Variants in TXNDC16 observed in about 807,000 individuals in gnomAD.
TXNDC16 encodes the protein thioredoxin domain containing 16, also known as thioredoxin domain-containing protein 16.
In TXNDC16, 74 loss-of-function variants were observed where a neutral mutation model predicts 85.6. The observed-to-expected ratio is 0.86, with a 90% CI of 0.72 to 1.05. TXNDC16 has a LOEUF of 1.05. TXNDC16 is among the 50% of genes least tolerant of loss of function. The pLI, the probability that TXNDC16 is intolerant of heterozygous loss-of-function variation, is 0.00. For missense variants in TXNDC16, 959 were observed against 947.0 expected (o/e 1.01, Z -0.17); for synonymous variants, 335 against 326.5 (o/e 1.03, Z -0.28).
intron 18 of TXNDC16, among the ~76,000 whole-genome samples, chr14:52,448,776 T>C (rs981380231): frequency 2.0e-5 from 3 of 151,884 alleles, no homozygotes; most frequent in African/African-American, 7.3e-5. Flanking sequence ...CAATAAAAAG[T>C]TAAAAAGCAG....
chr14:52,480,914 CATCA>C (rs1264156891), intron 14 of TXNDC16, among the ~76,000 whole-genome samples: 1 of 149,782 alleles, frequency 6.7e-6, no homozygotes, highest in Non-Finnish European at 1.5e-5. Context: ...CCCAAATGCT[CATCA>C]ATCAACGAGT....
chr14:52,474,841 C>T (rs750992632), intron 14 of TXNDC16, among the ~76,000 whole-genome samples: 1 of 152,060 alleles, frequency 6.6e-6, no homozygotes, highest in Non-Finnish European at 1.5e-5. Flanking sequence ...GGAACGGGGA[C>T]AGACAGAACA....
chr14:52,515,941 T>A (rs942584540), intron 7 of TXNDC16, among the ~76,000 whole-genome samples: 2 of 152,122 alleles, frequency 1.3e-5, no homozygotes, highest in Non-Finnish European at 2.9e-5. Context: ...CACTTTCCCT[T>A]TTTGAGAAAC....
intron 5 of TXNDC16, among the ~76,000 whole-genome samples, chr14:52,537,111 G>C (rs1308300294): frequency 1.4e-5 from 2 of 146,440 alleles, no homozygotes; most frequent in Non-Finnish European, 1.5e-5. Flanking sequence ...CCCCAAATTG[G>C]GCTGGGAAGA....
chr14:52,519,952 A>C (rs1469659789), intron 6 of TXNDC16, among the ~76,000 whole-genome samples: 1 of 152,128 alleles, frequency 6.6e-6, no homozygotes, highest in African/African-American at 2.4e-5. Context: ...ATATTTATTT[A>C]CTTATCTCCA....
At chr14:52,501,789 G>A (rs902783680) in intron 9 of TXNDC16, among the ~76,000 whole-genome samples, 10 of 152,108 alleles carry the variant, frequency 6.6e-5, no homozygotes, top group Admixed American at 2.0e-4. Context: ...AGTGTTTGGC[G>A]TGACTCAGTT....
Position 52,432,216 on chromosome 14 carries a change from A to ATCC in TXNDC16, c.*87_*88insGGA, listed in dbSNP as rs1311308664. ...ATTCTATTGGATGGCACTAGTCTGC[A>ATCC]AACTTGAAATGATTTAATATTATTC... is the stretch of plus-strand genomic sequence containing the variant. On this transcript the variant is annotated 3_prime_UTR_variant, in exon 21 of 21. Coordinates refer to ENST00000281741, the MANE Select transcript of TXNDC16 (RefSeq NM_020784.3). 3 of 1,266,210 alleles carry ATCC rather than the reference A, an allele frequency of 2.4e-6. No homozygotes were observed. In the Admixed American group the frequency reaches 7.8e-5, roughly 33 times the overall value. 78.4% of individuals were successfully genotyped at this position (1,266,210 alleles called of 1,614,324 possible).
chr14:52,474,001 C>T (rs2035965103), intron 14 of TXNDC16, among the ~76,000 whole-genome samples: 1 of 152,124 alleles, frequency 6.6e-6, no homozygotes, highest in Non-Finnish European at 1.5e-5. Flanking sequence ...CCTGAACTTC[C>T]AAAATAGTCC....
At chr14:52,530,431 TAATATATA>T (rs2037510299) in intron 6 of TXNDC16, among the ~76,000 whole-genome samples, 6 of 22,716 alleles carry the variant, frequency 2.6e-4, no homozygotes, top group African/African-American at 1.4e-3. Flanking sequence ...TTATATATAA[TAATATATA>T]ATATATTATT....
chr14:52,507,516 A>T (rs529733146), intron 9 of TXNDC16, among the ~76,000 whole-genome samples: 2,010 of 152,230 alleles, frequency 0.013, 43 homozygotes, highest in African/African-American at 0.045. Flanking sequence ...TTCAATGCCA[A>T]CCCCATCAAG....
At chr14:52,483,019 T>C (rs2036185825) in intron 12 of TXNDC16, 54 bp from the exon 13 acceptor site, 1 of 1,433,658 alleles carries the variant, frequency 7.0e-7, no homozygotes, top group Non-Finnish European at 9.4e-7. Flanking sequence ...TGAAAACTAT[T>C]TAAGCTCTTC....
intron 2 of TXNDC16, among the ~76,000 whole-genome samples, chr14:52,543,961 A>G (rs1278668546): frequency 6.6e-6 from 1 of 152,116 alleles, no homozygotes; most frequent in African/African-American, 2.4e-5. Flanking sequence ...GTTTTTCTTT[A>G]CCTATAGTTG....
At chr14:52,496,816 G>A (rs1354610916) in intron 9 of TXNDC16, among the ~76,000 whole-genome samples, 1 of 151,664 alleles carries the variant, frequency 6.6e-6, no homozygotes, top group African/African-American at 2.4e-5. Context: ...TTCATATTTT[G>A]CTCAGGCTGG....
In TXNDC16 at chr14:52,514,837, A is replaced by G. The variant is rs1224194601; in HGVS notation, c.605+43T>C. ...GTAATGCGAAATAAGTGAAGAAGAAAAAAAAAACCTTTAAATTGTTGACAT... is the reference window on the plus strand; with the variant it reads ...GTAATGCGAAATAAGTGAAGAAGAAGAAAAAAACCTTTAAATTGTTGACAT... On this transcript the variant is annotated intron_variant, in intron 8 of 20. Coordinates refer to ENST00000281741, the MANE Select transcript of TXNDC16 (RefSeq NM_020784.3). The G allele has an allele frequency of 3.3e-6, 5 of 1,494,532 alleles. No individual in the cohort carries two copies. In the Admixed American group the frequency reaches 5.9e-5, roughly 18 times the overall value. 92.6% of individuals were successfully genotyped at this position (1,494,532 alleles called of 1,614,324 possible).
chr14:52,541,270 C>T (rs1473686232), intron 4 of TXNDC16, among the ~76,000 whole-genome samples: 4 of 151,818 alleles, frequency 2.6e-5, no homozygotes, highest in South Asian at 2.1e-4. Flanking sequence ...CAGTTATGTT[C>T]GTCCATAAGG....
intron 14 of TXNDC16, among the ~76,000 whole-genome samples, chr14:52,479,997 T>C (rs528978245): frequency 9.2e-5 from 14 of 152,058 alleles, no homozygotes; most frequent in Middle Eastern, 3.4e-3. Flanking sequence ...AATAGAGAAC[T>C]CAGAAATAAA....
chr14:52,546,390 T>C (rs554511324), intron 1 of TXNDC16, among the ~76,000 whole-genome samples: 191 of 152,336 alleles, frequency 1.3e-3, no homozygotes, highest in African/African-American at 4.0e-3. Flanking sequence ...CTCGGTGTGA[T>C]AGTTCATTAC....
intron 20 of TXNDC16, among the ~76,000 whole-genome samples, chr14:52,436,168 C>G (rs901044687): frequency 6.6e-6 from 1 of 152,090 alleles, no homozygotes; most frequent in Non-Finnish European, 1.5e-5. Context: ...GTAAAGGCAA[C>G]CCAACTGTCC....
intron 4 of TXNDC16, among the ~76,000 whole-genome samples, chr14:52,538,364 A>G (rs2037750715): frequency 6.6e-6 from 1 of 152,222 alleles, no homozygotes; most frequent in Non-Finnish European, 1.5e-5. Flanking sequence ...ATGTCAGAGC[A>G]GCCATACCAG....
Sources: gnomAD v4.1 joint callset for allele counts (sites outside exome capture counted in the v4.1 genomes callset) on GRCh38, gnomAD v4.1.1 for gene constraint, MANE v1.5 for transcripts, NCBI Gene and HGNC (gene_info 2026-07-23, HGNC 2026-07-21) for gene names.